Variants in CNTNAP5 observed in about 807,000 individuals in gnomAD.
The protein encoded by CNTNAP5 is contactin associated protein family member 5.
Under a neutral mutation model 150.2 loss-of-function variants are expected in CNTNAP5, and 72 were observed. That is an observed-to-expected ratio of 0.48 (90% CI 0.40 to 0.58). The LOEUF is 0.58. Ranked by LOEUF, CNTNAP5 falls within the 20% of genes least tolerant of loss-of-function variation. The probability of loss-of-function intolerance (pLI) is 0.00; values close to 1 mark genes in which losing one functional copy is unlikely to be tolerated. For missense variants in CNTNAP5, 1,636 were observed against 1,626.2 expected (o/e 1.01, Z -0.10); for synonymous variants, 672 against 619.8 (o/e 1.08, Z -1.25).
intron 1 of CNTNAP5, among the ~76,000 whole-genome samples, chr2:124,042,225 G>C (rs913304607): frequency 6.6e-6 from 1 of 152,104 alleles, no homozygotes. Context: ...ATATAAAATA[G>C]AAGAGAAATA....
chr2:124,457,803 T>A (rs1315760438), intron 6 of CNTNAP5, among the ~76,000 whole-genome samples: 2 of 152,060 alleles, frequency 1.3e-5, no homozygotes, highest in African/African-American at 4.8e-5. Flanking sequence ...CCAACAAACA[T>A]ATGAAAAAAT....
At position 124,458,398 on chromosome 2, in the gene CNTNAP5, C is replaced by A. The variant is rs547010480; in HGVS notation, c.918+11461C>A. Among the ~76,000 whole-genome samples, 14 of 150,832 alleles carry A rather than the reference C, an allele frequency of 9.3e-5. No individual in the cohort carries two copies. The South Asian group carries it at 2.9e-3, about 32-fold the overall frequency. The stretch of plus-strand genomic sequence containing the variant: ...CTGGATCAGACTGGAAACTATTATT[C>A]TAAGTGAAGTAACTCAGGAATGGAA... On this transcript the variant is annotated intron_variant, in intron 6 of 23. Coordinates refer to ENST00000682447, the MANE Select transcript of CNTNAP5 (RefSeq NM_001367498.1).
chr2:124,800,759 C>A (rs934038200), intron 19 of CNTNAP5, among the ~76,000 whole-genome samples: 1 of 152,144 alleles, frequency 6.6e-6, no homozygotes, highest in Non-Finnish European at 1.5e-5. Flanking sequence ...TGGCTACATG[C>A]AGGAATCAAG....
intron 3 of CNTNAP5, among the ~76,000 whole-genome samples, chr2:124,266,370 C>T (rs1210072185): frequency 6.6e-6 from 1 of 152,104 alleles, no homozygotes; most frequent in Non-Finnish European, 1.5e-5. Flanking sequence ...AACCACATGG[C>T]ATTTATGAAT....
intron 11 of CNTNAP5, among the ~76,000 whole-genome samples, chr2:124,604,575 G>T (rs1248212088): frequency 6.6e-6 from 1 of 152,154 alleles, no homozygotes; most frequent in Non-Finnish European, 1.5e-5. Flanking sequence ...TTGTAGTTTA[G>T]GGAAATCAAA....
intron 1 of CNTNAP5, among the ~76,000 whole-genome samples, chr2:124,124,271 G>C (rs1683633888): frequency 6.6e-6 from 1 of 152,298 alleles, no homozygotes; most frequent in East Asian, 1.9e-4. Context: ...GCATGTGCAA[G>C]CTTCAGTAGA....
intron 3 of CNTNAP5, among the ~76,000 whole-genome samples, chr2:124,265,470 C>T (rs1272191356): frequency 6.6e-6 from 1 of 152,082 alleles, no homozygotes; most frequent in Non-Finnish European, 1.5e-5. Flanking sequence ...TGTCCTAATC[C>T]ATCACTATCC....
At chr2:124,875,221 A>G (rs1230371322) in intron 21 of CNTNAP5, among the ~76,000 whole-genome samples, 1 of 152,088 alleles carries the variant, frequency 6.6e-6, no homozygotes, top group Non-Finnish European at 1.5e-5. Flanking sequence ...CTTTACAAGC[A>G]TCTTGCAGAG....
chr2:124,089,103 AC>A (rs1682761465), intron 1 of CNTNAP5, among the ~76,000 whole-genome samples: 1 of 152,160 alleles, frequency 6.6e-6, no homozygotes, highest in Non-Finnish European at 1.5e-5. Context: ...CAAGGCATGC[AC>A]CACTGTGTCC....
At chr2:124,725,118 T>C (rs1680129179) in intron 13 of CNTNAP5, among the ~76,000 whole-genome samples, 1 of 152,086 alleles carries the variant, frequency 6.6e-6, no homozygotes, top group Non-Finnish European at 1.5e-5. Context: ...GTTTAAAAAA[T>C]CATTTACTTC....
At chr2:124,176,030 T>C (rs1489924569) in intron 1 of CNTNAP5, among the ~76,000 whole-genome samples, 5 of 152,188 alleles carry the variant, frequency 3.3e-5, no homozygotes, top group Non-Finnish European at 7.3e-5. Flanking sequence ...AACACACTAG[T>C]TTGGTAGTCC....
At chr2:124,046,623 A>C (rs1469744669) in intron 1 of CNTNAP5, among the ~76,000 whole-genome samples, 1 of 152,168 alleles carries the variant, frequency 6.6e-6, no homozygotes, top group Non-Finnish European at 1.5e-5. Context: ...GCAATTAACT[A>C]ATCATGTTCC....
chr2:124,692,393 C>A (rs1392970967), intron 13 of CNTNAP5, among the ~76,000 whole-genome samples: 1 of 152,054 alleles, frequency 6.6e-6, no homozygotes, highest in African/African-American at 2.4e-5. Context: ...GTGTCTGAGA[C>A]CATATGGCTT....
intron 13 of CNTNAP5, among the ~76,000 whole-genome samples, chr2:124,663,006 G>A (rs1004606898): frequency 1.3e-5 from 2 of 152,222 alleles, no homozygotes; most frequent in African/African-American, 4.8e-5. Flanking sequence ...AGGCTTTGTG[G>A]TAAGTATTTT....
intron 3 of CNTNAP5, among the ~76,000 whole-genome samples, chr2:124,354,985 G>A (rs181970468): frequency 2.0e-5 from 3 of 151,764 alleles, no homozygotes; most frequent in African/African-American, 7.3e-5. Context: ...GTCTTCTGTA[G>A]AAATAGCTAT....
intron 21 of CNTNAP5, among the ~76,000 whole-genome samples, chr2:124,872,374 CTGTGTGTGTGTG>C (rs56024878): frequency 5.9e-4 from 82 of 139,432 alleles, no homozygotes; most frequent in Middle Eastern, 3.6e-3. Flanking sequence ...TTTCCTTATG[CTGTGTGTGTGTG>C]TGTGTGTGTG....
chr2:124,025,349 TTC>T lies in CNTNAP5; in HGVS notation c.-300_-299del. ...GTCCACCGAGCTCCGGCGCCTGTCGTTCTAATTGGGTTTGGATTTGCACCGTT... is the reference window on the plus strand; with the variant it reads ...GTCCACCGAGCTCCGGCGCCTGTCGTTAATTGGGTTTGGATTTGCACCGTT... On this transcript the variant is annotated 5_prime_UTR_variant, in exon 1 of 24. Coordinates refer to ENST00000682447, the MANE Select transcript of CNTNAP5 (RefSeq NM_001367498.1). The T allele has an allele frequency of 3.0e-6, 1 of 330,838 alleles. No homozygotes were observed. Among genetic ancestry groups the T allele is most frequent in the Non-Finnish European group, 5.8e-6 (1 of 172,830 alleles). The allele number at this position is 330,838 out of a possible 1,614,324, so 20.5% of individuals were successfully genotyped here.
chr2:124,454,315 T>C (rs746387429), intron 6 of CNTNAP5, among the ~76,000 whole-genome samples: 2 of 152,188 alleles, frequency 1.3e-5, no homozygotes, highest in Non-Finnish European at 2.9e-5. Context: ...AGAGTCATTA[T>C]ACAATGATAA....
intron 1 of CNTNAP5, among the ~76,000 whole-genome samples, chr2:124,137,177 C>G (rs1234212830): frequency 6.6e-6 from 1 of 152,106 alleles, no homozygotes; most frequent in African/African-American, 2.4e-5. Flanking sequence ...TGACTGGCTA[C>G]TGGCCTGCTG....
Sources: gnomAD v4.1 joint callset for allele counts (sites outside exome capture counted in the v4.1 genomes callset) on GRCh38, gnomAD v4.1.1 for gene constraint, MANE v1.5 for transcripts, NCBI Gene and HGNC (gene_info 2026-07-23, HGNC 2026-07-21) for gene names.